The following MPST variants were observed in gnomAD, a reference collection of about 807,000 sequenced individuals.
MPST encodes mercaptopyruvate sulfurtransferase.
In MPST, 27 loss-of-function variants were observed where a neutral mutation model predicts 28.5. That is an observed-to-expected ratio of 0.95 (90% CI 0.70 to 1.31). MPST has a LOEUF of 1.31. Among genes scored for constraint, MPST ranks in the 50% most tolerant of loss-of-function variants. The pLI is 0.00. For missense variants in MPST, 492 were observed against 471.1 expected, an observed-to-expected ratio of 1.04 and a Z score of -0.41; for synonymous variants, 204 against 209.3, an observed-to-expected ratio of 0.97 and a Z score of 0.22.
At position 37,024,238 on chromosome 22, in the gene MPST, G is replaced by A; in HGVS notation, c.83G>A (p.Arg28His). 1 of 1,414,068 alleles carries A rather than the reference G, an allele frequency of 7.1e-7. No individual in the cohort carries two copies. Among genetic ancestry groups the A allele is most frequent in the Non-Finnish European group, 9.1e-7 (1 of 1,094,138 alleles). The allele number at this position is 1,414,068 out of a possible 1,614,324, so 87.6% of individuals were successfully genotyped here. A position where few individuals can be genotyped will look rare whatever the true frequency, so the allele number is the denominator to read the frequency against. ...GCCATGGCTTCGCCGCAGCTCTGCC[G>A]CGCGCTGGTGTCGGCGCAATGGGTG... ...VAAMASPQLCRALVSAQWVAE... is the reference protein window; with the variant it reads ...VAAMASPQLCHALVSAQWVAE... Residue 28 changes from arginine to histidine, a missense_variant, in exon 2 of 3, where the codon CGC becomes CAC. Arg to His is a conservative substitution (Grantham distance 29). Coordinates refer to ENST00000429360, the MANE Select transcript of MPST (RefSeq NM_021126.8).
intron 1 of MPST, 42 bp downstream of exon 1, chr22:37,019,914 G>A (rs1922930914): frequency 4.6e-6 from 5 of 1,083,796 alleles, no homozygotes; most frequent in Non-Finnish European, 4.7e-6. Flanking sequence ...TGGAGGGGGA[G>A]GGAGTGGCTC....
chr22:37,024,777 A>G lies in MPST; in HGVS notation c.622A>G (p.Arg208Gly). The change falls in exon 2 of 3, where the codon AGG becomes GGG. Residue 208 changes from arginine (R) to glycine (G), a missense_variant. Arg to Gly is a moderately radical substitution (Grantham distance 125). Transcript: ENST00000429360. ...FQVVDSRATG[R>G]FRGTEPEPRD... ...GGTGGTGGACTCCCGAGCCACTGGC[A>G]GGTTCCGCGGCACCGAGCCCGAGCC... 6.2e-7 allele frequency: 1 copy of G among 1,602,878 alleles called. No homozygotes were observed. Among genetic ancestry groups the G allele is most frequent in the East Asian group, 2.2e-5 (1 of 44,850 alleles).
Position 37,024,762 on chromosome 22 carries a change from T to C in MPST, c.607T>C (p.Ser203Pro), listed in dbSNP as rs746130184. The stretch of plus-strand genomic sequence containing the variant: ...ATCCCGGCGCTTCCAGGTGGTGGAC[T>C]CCCGAGCCACTGGCAGGTTCCGCGG... ...LESRRFQVVD[S>P]RATGRFRGTE... Residue 203 changes from serine (S) to proline (P), a missense_variant, in exon 2 of 3, where the codon TCC becomes CCC. Ser to Pro is a moderately conservative substitution (Grantham distance 74). Transcript: ENST00000429360. 1 of 1,600,844 alleles carries C rather than the reference T, an allele frequency of 6.2e-7. No homozygotes were observed. The highest frequency in any genetic ancestry group is 8.5e-7 in the Non-Finnish European group (1 of 1,179,422).
At chr22:37,026,142 T>C (rs1923509665) in intron 2 of MPST, 1 of 152,208 alleles carries the variant, frequency 6.6e-6, no homozygotes, top group Non-Finnish European at 1.5e-5. Context: ...GTTCTCCATC[T>C]CAGCCCCAGG....
At chr22:37,026,827 A>C (rs967050699) in intron 2 of MPST, 1 of 152,490 alleles carries the variant, frequency 6.6e-6, no homozygotes, top group African/African-American at 2.4e-5. Flanking sequence ...ATGGGTCAGC[A>C]GCTCCTGTGG....
At position 37,024,292 on chromosome 22, in the gene MPST, G is replaced by C. The variant is rs1332690794; in HGVS notation, c.137G>C (p.Gly46Ala). ...VAEALRAPRA[G>A]QPLQLLDASW... ...GAGGCGCTGCGGGCCCCGCGCGCTG[G>C]GCAGCCTCTGCAGCTGCTGGACGCC... Residue 46 changes from glycine to alanine, a missense_variant, in exon 2 of 3, where the codon GGG becomes GCG. Coordinates refer to ENST00000429360, the MANE Select transcript of MPST (RefSeq NM_021126.8). 1 of 1,522,178 alleles carries C rather than the reference G, an allele frequency of 6.6e-7. No individual in the cohort carries two copies. The highest frequency in any genetic ancestry group is 8.8e-7 in the Non-Finnish European group (1 of 1,139,250). The allele number at this position is 1,522,178 out of a possible 1,614,324, so 94.3% of individuals were successfully genotyped here.
intron 2 of MPST, 162 bp downstream of exon 2, chr22:37,024,972 CT>C: frequency 6.7e-7 from 1 of 1,503,460 alleles, no homozygotes; most frequent in Non-Finnish European, 9.0e-7. Flanking sequence ...TCCTTTCCCC[CT>C]TTTCCCTACC....
chr22:37,023,846 A>T, intron 1 of MPST: 1 of 1,378,144 alleles, frequency 7.3e-7, no homozygotes, highest in Non-Finnish European at 9.5e-7. Context: ...AGGGGTGGAG[A>T]CTTTGCCCCT....
chr22:37,026,907 A>T (rs1195011862), intron 2 of MPST: 1 of 152,420 alleles, frequency 6.6e-6, no homozygotes, highest in Admixed American at 6.5e-5. Context: ...TCAGATTTGA[A>T]TCATTCGTTT....
At chr22:37,020,917 C>G (rs762092568) in intron 1 of MPST, among the ~76,000 whole-genome samples, 1 of 152,150 alleles carries the variant, frequency 6.6e-6, no homozygotes, top group Non-Finnish European at 1.5e-5. Flanking sequence ...TCTCAGCCTC[C>G]CAAAGTGCTG....
At position 37,029,719 on chromosome 22, in the gene MPST, G is replaced by A; in HGVS notation, c.*205G>A. ...AAAGGCGGAGGCGAGCCCTGGAGGAGGGAGGCCACAACTCCGAGCTGCCCA... is the reference window on the plus strand; with the variant it reads ...AAAGGCGGAGGCGAGCCCTGGAGGAAGGAGGCCACAACTCCGAGCTGCCCA... On this transcript the variant is annotated 3_prime_UTR_variant, in exon 3 of 3. Transcript: ENST00000429360. The A allele has an allele frequency of 1.6e-6, 1 of 626,868 alleles. No individual in the cohort carries two copies. Among genetic ancestry groups the A allele is most frequent in the Non-Finnish European group, 2.8e-6 (1 of 363,376 alleles). The allele number at this position is 626,868 out of a possible 1,614,324, so 38.8% of individuals were successfully genotyped here.
At chr22:37,021,033 G>A (rs752578211) in intron 1 of MPST, among the ~76,000 whole-genome samples, 8 of 152,210 alleles carry the variant, frequency 5.3e-5, no homozygotes, top group Admixed American at 1.3e-4. Flanking sequence ...TCTGGTGGTT[G>A]GGGGAGGGGG....
chr22:37,019,922 C>A, intron 1 of MPST, 50 bp downstream of exon 1: 1 of 997,164 alleles, frequency 1.0e-6, no homozygotes, highest in Non-Finnish European at 1.3e-6. Flanking sequence ...GAGGGAGTGG[C>A]TCTTTGGGGG....
intron 2 of MPST, chr22:37,025,350 G>T: frequency 2.8e-6 from 1 of 359,086 alleles, no homozygotes; most frequent in Non-Finnish European, 5.3e-6. Flanking sequence ...CAGAGGGATG[G>T]TCCTGATCAG....
At chr22:37,025,347 A>T (rs930948567) in intron 2 of MPST, 10 of 368,062 alleles carry the variant, frequency 2.7e-5, no homozygotes, top group African/African-American at 2.1e-4. Flanking sequence ...ACCCAGAGGG[A>T]TGGTCCTGAT....
intron 2 of MPST, chr22:37,025,998 C>G (rs1923498725): frequency 6.6e-6 from 1 of 152,238 alleles, no homozygotes; most frequent in Non-Finnish European, 1.5e-5. Context: ...GTCCCTGTTG[C>G]ATGGAATCCT....
At position 37,024,441 on chromosome 22, in the gene MPST, C is replaced by A; in HGVS notation, c.286C>A (p.Leu96Met). ...SDRTSPYDHM[L>M]PGAEHFAEYA... The stretch of plus-strand genomic sequence containing the variant: ...CCGCACCTCGCCCTACGACCACATG[C>A]TGCCCGGGGCCGAGCATTTCGCGGA... The change falls in exon 2 of 3, where the codon CTG (leucine) becomes ATG (methionine). Residue 96 changes from leucine (L) to methionine (M), a missense_variant. Transcript: ENST00000429360. 6.5e-7 allele frequency: 1 copy of A among 1,544,312 alleles called. No homozygotes were observed. The highest frequency in any genetic ancestry group is 1.2e-5 in the South Asian group (1 of 84,220).
chr22:37,025,147 T>G, intron 2 of MPST: 1 of 1,370,888 alleles, frequency 7.3e-7, no homozygotes, highest in Non-Finnish European at 9.6e-7. Flanking sequence ...GAGATTTGAC[T>G]TCCACTTGCC....
chr22:37,029,371 G>A lies in MPST; in HGVS notation c.811G>A (p.Gly271Ser). 6.2e-7 allele frequency: 1 copy of A among 1,614,014 alleles called. No homozygotes were observed. Among genetic ancestry groups the A allele is most frequent in the South Asian group, 1.1e-5 (1 of 91,088 alleles). The change falls in exon 3 of 3, where the codon GGC (glycine) becomes AGC (serine). Residue 271 changes from glycine to serine, a missense_variant. Transcript: ENST00000429360. ...GCCACTGGTGGCCACGTGTGGCTCT[G>A]GCGTCACAGCCTGCCACGTGGCACT... is the stretch of plus-strand genomic sequence containing the variant. ...SKPLVATCGS[G>S]VTACHVALGA...
Sources: gnomAD v4.1 joint callset for allele counts (sites outside exome capture counted in the v4.1 genomes callset) on GRCh38, gnomAD v4.1.1 for gene constraint, MANE v1.5 for transcripts, NCBI Gene and HGNC (gene_info 2026-07-23, HGNC 2026-07-21) for gene names.